KPNB1: variants seen among roughly 807,000 people sequenced by gnomAD.
KPNB1 encodes karyopherin subunit beta 1.
Under a neutral mutation model 113.0 loss-of-function variants are expected in KPNB1, and 7 were observed. The observed-to-expected ratio is 0.06, with a 90% CI of 0.04 to 0.12. The LOEUF (loss-of-function observed/expected upper bound fraction) is 0.12, where lower values mean the gene tolerates loss of function less well. Among genes scored for constraint, KPNB1 ranks in the 10% least tolerant of loss-of-function variants. The pLI is 1.00. For synonymous variants in KPNB1, 363 were observed against 378.6 expected (o/e 0.96, Z 0.48); for missense variants, 400 against 1,054.8 (o/e 0.38, Z 8.60).
chr17:47,655,882 G>A (rs934702298), intron 3 of KPNB1, among the ~76,000 whole-genome samples: 5 of 152,180 alleles, frequency 3.3e-5, no homozygotes, highest in Admixed American at 2.0e-4. Flanking sequence ...CTAGGTTCTA[G>A]GGCAGTGTTG....
intron 15 of KPNB1, 121 bp from the exon 16 acceptor site, chr17:47,676,288 C>A: frequency 2.8e-6 from 2 of 727,134 alleles, no homozygotes; most frequent in Middle Eastern, 4.9e-4. Context: ...AACTAAAGCA[C>A]ATTTCACCCA....
intron 12 of KPNB1, 67 bp from the exon 13 acceptor site, chr17:47,672,951 A>C (rs2030494208): frequency 6.8e-7 from 1 of 1,479,062 alleles, no homozygotes; most frequent in South Asian, 1.3e-5. Flanking sequence ...TTTTGGCAAG[A>C]CATTGTCTAT....
chr17:47,677,992 C>G, intron 17 of KPNB1, 54 bp from the exon 18 acceptor site: 1 of 1,554,348 alleles, frequency 6.4e-7, no homozygotes, highest in Non-Finnish European at 8.8e-7. Context: ...TTTCATGAAT[C>G]TTTGGACCAA....
intron 21 of KPNB1, 70 bp from the exon 22 acceptor site, chr17:47,682,334 A>C (rs376060371): frequency 3.9e-6 from 3 of 777,788 alleles, no homozygotes; most frequent in Non-Finnish European, 7.2e-6. Context: ...TAATTGTAGG[A>C]GTCAGCATTA....
chr17:47,680,810 G>C (rs1597942189), intron 21 of KPNB1, 141 bp downstream of exon 21: 1 of 789,202 alleles, frequency 1.3e-6, no homozygotes, highest in East Asian at 2.7e-5. Flanking sequence ...TCTGAGTCAG[G>C]CAGCCTCAGT....
intron 5 of KPNB1, among the ~76,000 whole-genome samples, chr17:47,659,042 G>A (rs190597006): frequency 1.1e-4 from 16 of 151,924 alleles, no homozygotes; most frequent in African/African-American, 1.7e-4. Flanking sequence ...GTCAGATATC[G>A]TCCCTTAAAA....
At chr17:47,662,421 C>T (rs961013678) in intron 6 of KPNB1, among the ~76,000 whole-genome samples, 1 of 151,896 alleles carries the variant, frequency 6.6e-6, no homozygotes, top group Non-Finnish European at 1.5e-5. Flanking sequence ...TCCATGTCCA[C>T]AAAGATTAGC....
intron 18 of KPNB1, 37 bp from the exon 19 acceptor site, chr17:47,678,271 T>C (rs1224940336): frequency 1.1e-5 from 17 of 1,608,900 alleles, no homozygotes; most frequent in Non-Finnish European, 1.4e-5. Context: ...CTAAAAGTGA[T>C]CAGTGTGATG....
intron 14 of KPNB1, among the ~76,000 whole-genome samples, chr17:47,674,320 A>G (rs1050662379): frequency 6.6e-6 from 1 of 152,236 alleles, no homozygotes; most frequent in Non-Finnish European, 1.5e-5. Flanking sequence ...AAGTAATTTA[A>G]CTATCATTCC....
chr17:47,659,448 C>A (rs2143108028), intron 5 of KPNB1, among the ~76,000 whole-genome samples: 1 of 152,126 alleles, frequency 6.6e-6, no homozygotes, highest in Middle Eastern at 3.4e-3. Flanking sequence ...AATCTTTTGC[C>A]TTGTACTAAA....
chr17:47,682,546 A>G lies in KPNB1; in HGVS notation c.*142A>G, dbSNP rs1352959318. ...TGAGTGAGGCTTGAAAACACACCACATTGAAAATCCTGCCACAGCAGCAGC... is the reference window on the plus strand; with the variant it reads ...TGAGTGAGGCTTGAAAACACACCACGTTGAAAATCCTGCCACAGCAGCAGC... On this transcript the variant is annotated 3_prime_UTR_variant, in exon 22 of 22. Transcript: ENST00000290158. 7.3e-6 allele frequency: 5 copies of G among 683,844 alleles called. No homozygotes were observed. The highest frequency in any genetic ancestry group is 1.1e-5 in the Non-Finnish European group (4 of 372,226). 42.4% of individuals were successfully genotyped at this position (683,844 alleles called of 1,614,324 possible). A position where few individuals can be genotyped will look rare whatever the true frequency, so the allele number is the denominator to read the frequency against.
chr17:47,661,298 T>C, intron 6 of KPNB1, 120 bp downstream of exon 6: 1 of 770,442 alleles, frequency 1.3e-6, no homozygotes, highest in Admixed American at 2.0e-5. Context: ...ATTAATATTG[T>C]TACTAATAAT....
At chr17:47,680,996 C>T (rs2030753669) in intron 21 of KPNB1, among the ~76,000 whole-genome samples, 1 of 152,152 alleles carries the variant, frequency 6.6e-6, no homozygotes, top group Admixed American at 6.5e-5. Context: ...TCTTTCTTTA[C>T]AGCAGTGCTT....
At chr17:47,652,955 G>A in intron 3 of KPNB1, 79 bp downstream of exon 3, 1 of 1,099,738 alleles carries the variant, frequency 9.1e-7, no homozygotes, top group Non-Finnish European at 1.3e-6. Context: ...TATTTGCATG[G>A]GATAGAGCTA....
intron 9 of KPNB1, 87 bp from the exon 10 acceptor site, chr17:47,668,099 A>G (rs907406524): frequency 5.0e-6 from 5 of 1,008,466 alleles, no homozygotes; most frequent in African/African-American, 3.2e-5. Flanking sequence ...TTTAAGTTCT[A>G]AAGACATTCA....
rs114206697 is a variant in KPNB1 at position 47,673,667 on chromosome 17, C to T, written c.1767+106C>T. ...GAACTCGAAAATGGTATAGATGATG[C>T]GGATCAGAAGCTGTTCTCAGAAGGC... On this transcript the variant is annotated intron_variant, in intron 14 of 21. Transcript: ENST00000290158. 2,418 of 854,162 alleles carry T rather than the reference C, an allele frequency of 2.8e-3. 39 individuals carry two copies. In the African/African-American group the frequency reaches 0.032, roughly 11 times the overall value. The allele number at this position is 854,162 out of a possible 1,614,324, so 52.9% of individuals were successfully genotyped here.
At chr17:47,667,137 G>A (rs963668185) in intron 9 of KPNB1, among the ~76,000 whole-genome samples, 10 of 151,180 alleles carry the variant, frequency 6.6e-5, no homozygotes, top group Admixed American at 4.0e-4. Flanking sequence ...TTGGGGTGGC[G>A]TTGGGGGGTA....
chr17:47,665,873 A>G (rs2143130535), intron 9 of KPNB1, among the ~76,000 whole-genome samples: 1 of 152,348 alleles, frequency 6.6e-6, no homozygotes, highest in Non-Finnish European at 1.5e-5. Flanking sequence ...CTGACGAAAC[A>G]ATGTTGGTAA....
intron 10 of KPNB1, among the ~76,000 whole-genome samples, chr17:47,668,654 T>C (rs2030360117): frequency 6.6e-6 from 1 of 152,152 alleles, no homozygotes; most frequent in Admixed American, 6.6e-5. Context: ...TGCCCAGAAA[T>C]ACCACTCTTA....
Sources: gnomAD v4.1 joint callset for allele counts (sites outside exome capture counted in the v4.1 genomes callset) on GRCh38, gnomAD v4.1.1 for gene constraint, MANE v1.5 for transcripts, NCBI Gene and HGNC (gene_info 2026-07-23, HGNC 2026-07-21) for gene names.